SOBP: variants seen among roughly 807,000 people sequenced by gnomAD.
SOBP encodes the protein sine oculis binding protein homolog, also known as sine oculis-binding protein homolog.
A neutral mutation model predicts 53.6 loss-of-function variants in SOBP; 4 were observed. The observed-to-expected ratio is 0.07, with a 90% CI of 0.04 to 0.17. The LOEUF (loss-of-function observed/expected upper bound fraction) is 0.17. SOBP is among the 10% of genes least tolerant of loss of function. SOBP has a pLI of 1.00. For missense variants in SOBP, 1,088 were observed against 1,204.7 expected (o/e 0.90, Z 1.43); for synonymous variants, 584 against 522.6 (o/e 1.12, Z -1.60).
chr6:107,566,891 A>G (rs1372062473), intron 4 of SOBP, among the ~76,000 whole-genome samples: 3 of 152,102 alleles, frequency 2.0e-5, no homozygotes, highest in African/African-American at 7.2e-5. Context: ...CATGTGCCCA[A>G]CCTTGGTCCA....
chr6:107,507,158 T>G (rs1407287919), intron 3 of SOBP, among the ~76,000 whole-genome samples: 1 of 152,100 alleles, frequency 6.6e-6, no homozygotes, highest in African/African-American at 2.4e-5. Context: ...AGGGATAGTT[T>G]TGTAAAAGGA....
intron 5 of SOBP, among the ~76,000 whole-genome samples, chr6:107,594,790 A>G (rs1488947805): frequency 1.3e-5 from 2 of 152,176 alleles, no homozygotes; most frequent in Non-Finnish European, 2.9e-5. Context: ...TTCTAAGTAG[A>G]TATTGCTGTT....
intron 5 of SOBP, among the ~76,000 whole-genome samples, chr6:107,598,488 GA>G (rs1236428396): frequency 6.6e-6 from 1 of 152,198 alleles, no homozygotes; most frequent in African/African-American, 2.4e-5. Flanking sequence ...GGCCAGTTGG[GA>G]GACAGCCTGT....
chr6:107,618,925 CA>C (rs1786903479), intron 5 of SOBP, among the ~76,000 whole-genome samples: 2 of 152,098 alleles, frequency 1.3e-5, no homozygotes, highest in Admixed American at 1.3e-4. Flanking sequence ...GCTGAAACCA[CA>C]AGGTGAAATG....
intron 6 of SOBP, among the ~76,000 whole-genome samples, chr6:107,641,809 C>G (rs1178901520): frequency 6.6e-6 from 1 of 152,174 alleles, no homozygotes; most frequent in Non-Finnish European, 1.5e-5. Flanking sequence ...GACCAAAATA[C>G]GCTGCACCGT....
intron 5 of SOBP, 131 bp from the exon 6 acceptor site, chr6:107,633,383 A>G: frequency 2.6e-6 from 3 of 1,147,900 alleles, no homozygotes; most frequent in Non-Finnish European, 2.6e-6. Context: ...TACCTTTTAG[A>G]AGGAAACAGT....
intron 3 of SOBP, among the ~76,000 whole-genome samples, chr6:107,528,572 G>A (rs1273208918): frequency 6.6e-6 from 1 of 152,200 alleles, no homozygotes; most frequent in Non-Finnish European, 1.5e-5. Flanking sequence ...AGAAGTAAAG[G>A]CTTGCACCGT....
chr6:107,533,339 C>T, intron 3 of SOBP, 120 bp from the exon 4 acceptor site: 2 of 580,864 alleles, frequency 3.4e-6, no homozygotes, highest in East Asian at 4.7e-5. Context: ...AAAAGCACTT[C>T]TTCTCCAAGG....
At chr6:107,636,505 G>A (rs1771049518) in intron 6 of SOBP, among the ~76,000 whole-genome samples, 1 of 152,224 alleles carries the variant, frequency 6.6e-6, no homozygotes, top group South Asian at 2.1e-4. Context: ...GCTGGTACGT[G>A]GGGAAGCCGT....
intron 5 of SOBP, among the ~76,000 whole-genome samples, chr6:107,603,052 A>C (rs1786245112): frequency 6.6e-6 from 1 of 152,060 alleles, no homozygotes; most frequent in Non-Finnish European, 1.5e-5. Context: ...ATGGCTGTCC[A>C]TCAGAATAGA....
chr6:107,554,078 G>A (rs150811819), intron 4 of SOBP, among the ~76,000 whole-genome samples: 13 of 152,220 alleles, frequency 8.5e-5, no homozygotes, highest in African/African-American at 2.9e-4. Context: ...ACCAGCATGA[G>A]GGACAGCGTG....
At chr6:107,575,062 G>A (rs1160506849) in intron 4 of SOBP, among the ~76,000 whole-genome samples, 3 of 152,088 alleles carry the variant, frequency 2.0e-5, no homozygotes, top group African/African-American at 7.2e-5. Flanking sequence ...CACGAGCAGT[G>A]TGGCATGGGG....
intron 4 of SOBP, among the ~76,000 whole-genome samples, chr6:107,552,264 A>G (rs1391504145): frequency 6.6e-6 from 1 of 152,194 alleles, no homozygotes; most frequent in Non-Finnish European, 1.5e-5. Flanking sequence ...TATATTTATC[A>G]CAAAATGGCC....
intron 3 of SOBP, among the ~76,000 whole-genome samples, chr6:107,523,508 G>A (rs910081949): frequency 8.5e-5 from 13 of 152,328 alleles, no homozygotes; most frequent in Non-Finnish European, 1.8e-4. Flanking sequence ...TCAGGGTATT[G>A]AGGGAAGAAA....
chr6:107,596,827 T>TCAC (rs758522000), intron 5 of SOBP, among the ~76,000 whole-genome samples: 52 of 152,082 alleles, frequency 3.4e-4, no homozygotes, highest in African/African-American at 5.8e-4. Flanking sequence ...CCCTTATCCA[T>TCAC]CACCACCACC....
intron 3 of SOBP, among the ~76,000 whole-genome samples, chr6:107,528,515 C>A (rs965863051): frequency 6.6e-5 from 10 of 152,094 alleles, no homozygotes; most frequent in Admixed American, 2.6e-4. Flanking sequence ...CTTGCTGGTG[C>A]GAGTTATACA....
rs535978008 is a variant in SOBP at position 107,548,780 on chromosome 6, T to TA, written c.573+15178dup. Among the ~76,000 whole-genome samples, 776 of 151,298 alleles carry TA rather than the reference T, an allele frequency of 5.1e-3. 6 individuals are homozygous for TA. The highest frequency in any genetic ancestry group is 0.018 in the African/African-American group (735 of 41,222). Reference sequence around the variant, plus strand: ...AGCAAGACTCTGTTTCTACAAAATATAAAAAAAATCACCCAGGTGTGATGG... The same window carrying TA: ...AGCAAGACTCTGTTTCTACAAAATATAAAAAAAAATCACCCAGGTGTGATGG... On this transcript the variant is annotated intron_variant, in intron 4 of 6. Transcript: ENST00000317357.
chr6:107,585,699 A>G (rs1332759904), intron 4 of SOBP, among the ~76,000 whole-genome samples: 1 of 152,216 alleles, frequency 6.6e-6, no homozygotes, highest in Admixed American at 6.5e-5. Context: ...ACTTCTTGTA[A>G]CCTAAATATT....
At chr6:107,597,147 A>G (rs9373955) in intron 5 of SOBP, among the ~76,000 whole-genome samples, 25,340 of 152,168 alleles carry the variant, frequency 0.17, 2,551 homozygotes, top group East Asian at 0.43. Flanking sequence ...AAATGGCAAA[A>G]CCAGAGATGG....
Sources: allele counts gnomAD v4.1 joint callset (sites outside exome capture counted in the v4.1 genomes callset), GRCh38; gene constraint gnomAD v4.1.1; transcripts MANE v1.5; gene names NCBI Gene and HGNC (gene_info 2026-07-23, HGNC 2026-07-21).